Variants in ARHGAP28 observed in about 807,000 individuals in gnomAD.
ARHGAP28 encodes Rho GTPase activating protein 28.
In ARHGAP28, 56 loss-of-function variants were observed where a neutral mutation model predicts 90.7. The ratio of observed to expected loss-of-function variants is 0.62; its 90% CI spans 0.50 to 0.77. ARHGAP28 has a LOEUF of 0.77. Ranked by LOEUF, ARHGAP28 falls within the 30% of genes least tolerant of loss-of-function variation. The pLI is 0.00. For synonymous variants in ARHGAP28, 308 were observed against 323.3 expected (o/e 0.95, Z 0.51); for missense variants, 869 against 900.9 (o/e 0.96, Z 0.45).
At chr18:6,901,662 C>G (rs1200615301) in intron 16 of ARHGAP28, among the ~76,000 whole-genome samples, 1 of 151,906 alleles carries the variant, frequency 6.6e-6, no homozygotes, top group East Asian at 1.9e-4. Flanking sequence ...TACAAAGTGT[C>G]TGAGCAGTAC....
At chr18:6,734,946 GC>G (rs1299352448) in intron 1 of ARHGAP28, among the ~76,000 whole-genome samples, 1 of 152,144 alleles carries the variant, frequency 6.6e-6, no homozygotes, top group Non-Finnish European at 1.5e-5. Flanking sequence ...TCCTCCATAT[GC>G]AGAGCTGTTG....
intron 11 of ARHGAP28, among the ~76,000 whole-genome samples, chr18:6,886,046 T>TA (rs2057218483): frequency 6.6e-6 from 1 of 152,162 alleles, no homozygotes. Context: ...TCTTCAACAA[T>TA]ATGATCCTCC....
rs191487806 is a variant in ARHGAP28 at position 6,749,539 on chromosome 18, C to T, written c.122+19596C>T. ...TCAAGTCTCCAATGTTCTAACATTT[C>T]TATACCATTTTTTTAAATGGGAAGA... On this transcript the variant is annotated intron_variant, in intron 1 of 17. Transcript: ENST00000383472. Among the ~76,000 whole-genome samples, 831 of 152,268 alleles carry T rather than the reference C, an allele frequency of 5.5e-3. 5 individuals are homozygous for T. Among genetic ancestry groups the T allele is most frequent in the Middle Eastern group, 0.017 (5 of 292 alleles).
chr18:6,901,463 G>A (rs886381291), intron 16 of ARHGAP28, among the ~76,000 whole-genome samples: 3 of 151,432 alleles, frequency 2.0e-5, no homozygotes, highest in African/African-American at 7.3e-5. Flanking sequence ...ACCTCAGTTA[G>A]GTGATCGGGT....
intron 1 of ARHGAP28, among the ~76,000 whole-genome samples, chr18:6,732,551 A>G (rs2055891165): frequency 6.6e-6 from 1 of 152,202 alleles, no homozygotes; most frequent in African/African-American, 2.4e-5. Context: ...GCTGCCTGCC[A>G]TCCCTAGCTG....
intron 1 of ARHGAP28, among the ~76,000 whole-genome samples, chr18:6,775,968 G>C (rs2056279953): frequency 6.6e-6 from 1 of 152,092 alleles, no homozygotes; most frequent in Non-Finnish European, 1.5e-5. Flanking sequence ...TCATTTTTAT[G>C]ATCTTAAAGC....
intron 4 of ARHGAP28, among the ~76,000 whole-genome samples, chr18:6,853,929 G>T (rs1408873827): frequency 1.3e-5 from 2 of 152,150 alleles, no homozygotes; most frequent in Non-Finnish European, 2.9e-5. Flanking sequence ...TGACCACCGT[G>T]GGCACATGTT....
At position 6,778,116 on chromosome 18, in the gene ARHGAP28, G is replaced by A. The variant is rs1001705397; in HGVS notation, c.123-46646G>A. Among the ~76,000 whole-genome samples the A allele has an allele frequency of 9.2e-5, 14 of 152,234 alleles. 1 individual carries two copies. Among genetic ancestry groups the A allele is most frequent in the Admixed American group, 6.5e-4 (10 of 15,296 alleles). On this transcript the variant is annotated intron_variant, in intron 1 of 17. Coordinates refer to ENST00000383472, the MANE Select transcript of ARHGAP28 (RefSeq NM_001366230.1). ...GGGAAAGTTTTGCCCTTTAGAAATC[G>A]ACTAAGGATTGGTGTAGTCTGGAGA...
chr18:6,842,220 G>T (rs1010905525), intron 3 of ARHGAP28, among the ~76,000 whole-genome samples: 1 of 152,086 alleles, frequency 6.6e-6, no homozygotes, highest in South Asian at 2.1e-4. Context: ...AGTTGCGGTG[G>T]CACGTACCTG....
chr18:6,893,632 T>C (rs2143755378), intron 14 of ARHGAP28, among the ~76,000 whole-genome samples: 1 of 152,244 alleles, frequency 6.6e-6, no homozygotes, highest in East Asian at 1.9e-4. Flanking sequence ...TCTCATCTTA[T>C]AAATTGGGAG....
intron 16 of ARHGAP28, 125 bp downstream of exon 16, chr18:6,896,751 C>A: frequency 9.3e-7 from 1 of 1,079,468 alleles, no homozygotes. Context: ...AGGGAGTTTA[C>A]CAGTGGATTA....
At chr18:6,792,600 A>G (rs1317172625) in intron 1 of ARHGAP28, among the ~76,000 whole-genome samples, 1 of 152,184 alleles carries the variant, frequency 6.6e-6, no homozygotes, top group Admixed American at 6.5e-5. Context: ...AACACTTCCT[A>G]TGGAGTGATA....
chr18:6,837,933 A>G (rs927837842), intron 3 of ARHGAP28, among the ~76,000 whole-genome samples: 85 of 152,310 alleles, frequency 5.6e-4, no homozygotes, highest in African/African-American at 1.9e-3. Context: ...GAAACATCCC[A>G]TGTTTTATGA....
chr18:6,811,607 CT>C (rs1453248501), intron 1 of ARHGAP28, among the ~76,000 whole-genome samples: 2 of 152,108 alleles, frequency 1.3e-5, no homozygotes, highest in African/African-American at 4.8e-5. Flanking sequence ...TGTGGGAGGG[CT>C]CTAGAAACTT....
At chr18:6,839,327 T>C (rs796566789) in intron 3 of ARHGAP28, among the ~76,000 whole-genome samples, 4 of 146,246 alleles carry the variant, frequency 2.7e-5, no homozygotes, top group South Asian at 4.3e-4. Context: ...AGCGTCTCGC[T>C]CTGTCGCCCA....
chr18:6,904,792 A>G (rs1170287041), intron 16 of ARHGAP28, among the ~76,000 whole-genome samples: 3 of 152,204 alleles, frequency 2.0e-5, no homozygotes, highest in Non-Finnish European at 4.4e-5. Flanking sequence ...GGATTACTGT[A>G]ACAACTTTAT....
chr18:6,896,490 C>T lies in ARHGAP28; in HGVS notation c.1906-12C>T. On this transcript the variant is annotated splice_polypyrimidine_tract_variant and intron_variant, in intron 15 of 17. Transcript: ENST00000383472. Reference sequence around the variant, plus strand: ...GTTTGACAGACTGTACTGAATTTCTCCTCCTTGGCAGTCTGACGTGCCGGA... The same window carrying T: ...GTTTGACAGACTGTACTGAATTTCTTCTCCTTGGCAGTCTGACGTGCCGGA... 1 of 1,613,708 alleles carries T rather than the reference C, an allele frequency of 6.2e-7. No homozygotes were observed. Among genetic ancestry groups the T allele is most frequent in the Non-Finnish European group, 8.5e-7 (1 of 1,179,766 alleles).
chr18:6,882,173 G>A lies in ARHGAP28; in HGVS notation c.1327G>A (p.Asp443Asn), dbSNP rs772776911. The change falls in exon 11 of 18, where the codon GAT (aspartate) becomes AAT (asparagine). Residue 443 changes from aspartate (D) to asparagine (N), a missense_variant. By Grantham distance (23) the Asp-to-Asn change is conservative (BLOSUM62 1). Coordinates refer to ENST00000383472, the MANE Select transcript of ARHGAP28 (RefSeq NM_001366230.1). ...REELDAKFNA[D>N]KFKWDKMCHR... Reference sequence around the variant, plus strand: ...AGAACTTGATGCCAAGTTTAATGCTGATAAATTTAAATGGGACAAAATGTG... The same window carrying A: ...AGAACTTGATGCCAAGTTTAATGCTAATAAATTTAAATGGGACAAAATGTG... The A allele has an allele frequency of 1.2e-6, 2 of 1,613,938 alleles. No homozygotes were observed. Among genetic ancestry groups the A allele is most frequent in the East Asian group, 2.2e-5 (1 of 44,856 alleles).
intron 2 of ARHGAP28, among the ~76,000 whole-genome samples, chr18:6,827,076 C>T (rs757686289): frequency 1.3e-5 from 2 of 152,080 alleles, no homozygotes; most frequent in Non-Finnish European, 2.9e-5. Context: ...AAAAGTCTCC[C>T]GTGTCTACCT....
Sources: allele counts gnomAD v4.1 joint callset (sites outside exome capture counted in the v4.1 genomes callset), GRCh38; gene constraint gnomAD v4.1.1; transcripts MANE v1.5; gene names NCBI Gene and HGNC (gene_info 2026-07-23, HGNC 2026-07-21).